The following FAT4 variants were observed in gnomAD, a reference collection of about 807,000 sequenced individuals.
FAT4 encodes the protein FAT atypical cadherin 4.
FAT4 carries 84 observed loss-of-function variants against 303.9 expected under a neutral mutation model. The observed-to-expected ratio is 0.28, with a 90% CI of 0.23 to 0.33. FAT4 has a LOEUF of 0.33. FAT4 is among the 10% of genes least tolerant of loss of function. FAT4 has a pLI of 1.00. For missense variants in FAT4, 6,005 were observed against 6,146.8 expected (o/e 0.98, Z 0.77); for synonymous variants, 2,307 against 2,298.8 (o/e 1.00, Z -0.10).
intron 2 of FAT4, among the ~76,000 whole-genome samples, chr4:125,341,180 G>GA (rs536117683): frequency 2.0e-5 from 3 of 151,802 alleles, no homozygotes; most frequent in South Asian, 4.2e-4. Context: ...AGATATGCAA[G>GA]AAAAAAAATG....
In FAT4 at chr4:125,416,532, C is replaced by T. The variant is rs1415595327; in HGVS notation, c.6928C>T (p.Leu2310Phe). The change falls in exon 7 of 18, where the codon CTC becomes TTC. Residue 2310 changes from leucine to phenylalanine, a missense_variant. Leu to Phe is a conservative substitution (Grantham distance 22). Transcript: ENST00000394329. ...FGGNEDNAFT[L>F]SASGELGVTQ... Reference sequence around the variant, plus strand: ...TGGTAATGAAGACAATGCTTTTACTCTCTCAGCCAGTGGAGAACTTGGAGT... The same window carrying T: ...TGGTAATGAAGACAATGCTTTTACTTTCTCAGCCAGTGGAGAACTTGGAGT... 3.1e-6 allele frequency: 5 copies of T among 1,613,904 alleles called. No homozygotes were observed. The highest frequency in any genetic ancestry group is 1.7e-6 in the Non-Finnish European group (2 of 1,179,932).
At chr4:125,463,446 TA>T (rs1726549809) in intron 10 of FAT4, 116 bp from the exon 11 acceptor site, 2 of 500,178 alleles carry the variant, frequency 4.0e-6, no homozygotes, top group Non-Finnish European at 6.9e-6. Flanking sequence ...AAAACGTTTT[TA>T]TATTTCTTTT....
At chr4:125,366,605 G>A (rs942069393) in intron 2 of FAT4, among the ~76,000 whole-genome samples, 7 of 152,110 alleles carry the variant, frequency 4.6e-5, no homozygotes, top group Admixed American at 4.6e-4. Context: ...TATTCCTTTG[G>A]GTATATACCC....
rs141290022 is a variant in FAT4, at chr4:125,479,003, T to C, written c.12480-738T>C. On this transcript the variant is annotated intron_variant, in intron 14 of 17. Coordinates refer to ENST00000394329, the MANE Select transcript of FAT4 (RefSeq NM_001291303.3). The stretch of plus-strand genomic sequence containing the variant: ...ACATATCTAACTATTCTTCTTCTTG[T>C]GCCCTGAGCTCCAACCATGTTGGGC... Among the ~76,000 whole-genome samples, 126 of 152,230 alleles carry C rather than the reference T, an allele frequency of 8.3e-4. 1 individual carries two copies. In the East Asian group the frequency reaches 0.02, roughly 24 times the overall value.
intron 2 of FAT4, among the ~76,000 whole-genome samples, chr4:125,360,297 A>G (rs1300228705): frequency 6.6e-6 from 1 of 152,088 alleles, no homozygotes; most frequent in Admixed American, 6.6e-5. Flanking sequence ...CACTTTCCCA[A>G]TTTACTGACT....
In FAT4 at chr4:125,331,859, C is replaced by T. The variant is rs992997900; in HGVS notation, c.5175+10273C>T. Among the ~76,000 whole-genome samples the T allele has an allele frequency of 2.2e-3, 329 of 152,130 alleles. 9 individuals carry two copies. The highest frequency in any genetic ancestry group is 3.4e-4 in the Non-Finnish European group (23 of 67,990). On this transcript the variant is annotated intron_variant, in intron 2 of 17. Transcript: ENST00000394329. ...CAGTAAACTTGATTTTAACACGCAG[C>T]AAAGAAAATACTGCTGGACAATCCC... is the stretch of plus-strand genomic sequence containing the variant.
At chr4:125,392,959 C>T (rs1245691417) in intron 2 of FAT4, among the ~76,000 whole-genome samples, 1 of 152,076 alleles carries the variant, frequency 6.6e-6, no homozygotes, top group Non-Finnish European at 1.5e-5. Flanking sequence ...AATCACTTGA[C>T]ATTTCAGTGC....
At chr4:125,418,781 T>C (rs1420430694) in intron 7 of FAT4, among the ~76,000 whole-genome samples, 1 of 152,190 alleles carries the variant, frequency 6.6e-6, no homozygotes, top group Non-Finnish European at 1.5e-5. Flanking sequence ...CAGGTACTAC[T>C]ACATGGTTTA....
intron 14 of FAT4, among the ~76,000 whole-genome samples, chr4:125,477,548 T>C (rs201266452): frequency 4.0e-4 from 4 of 9,994 alleles, no homozygotes; most frequent in African/African-American, 6.4e-4. Context: ...CTTATACATA[T>C]ATATATATAT....
chr4:125,416,278 C>T (rs747731728), intron 6 of FAT4, among the ~76,000 whole-genome samples, 170 bp from the exon 7 acceptor site: 2 of 152,034 alleles, frequency 1.3e-5, no homozygotes, highest in East Asian at 1.9e-4. Context: ...CAAATAGACT[C>T]GGGTGATATA....
intron 2 of FAT4, among the ~76,000 whole-genome samples, chr4:125,343,920 G>GA (rs1220115396): frequency 6.6e-6 from 1 of 152,150 alleles, no homozygotes; most frequent in Non-Finnish European, 1.5e-5. Flanking sequence ...GAACAGTAAT[G>GA]AATTGGTCTC....
In FAT4 at chr4:125,415,814, T is replaced by G. The variant is rs2126028200; in HGVS notation, c.6843+8T>G. ...CCCAGAACAATTCTTCAGGTCAGTATATTTAAATAAAGCAAGTATTGTCTT... is the reference window on the plus strand; with the variant it reads ...CCCAGAACAATTCTTCAGGTCAGTAGATTTAAATAAAGCAAGTATTGTCTT... On this transcript the variant is annotated splice_region_variant and intron_variant, in intron 6 of 17. Coordinates refer to ENST00000394329, the MANE Select transcript of FAT4 (RefSeq NM_001291303.3). 2.5e-6 allele frequency: 4 copies of G among 1,580,156 alleles called. No individual in the cohort carries two copies. The highest frequency in any genetic ancestry group is 3.4e-6 in the Non-Finnish European group (4 of 1,159,936).
chr4:125,325,754 A>T (rs1287621506), intron 2 of FAT4, among the ~76,000 whole-genome samples: 5 of 152,192 alleles, frequency 3.3e-5, no homozygotes, highest in Non-Finnish European at 5.9e-5. Context: ...TTTAAATGAA[A>T]TAGTTTTGTT....
intron 2 of FAT4, among the ~76,000 whole-genome samples, chr4:125,355,154 C>T (rs1355625811): frequency 1.3e-5 from 2 of 151,822 alleles, no homozygotes; most frequent in Non-Finnish European, 1.5e-5. Context: ...GAGGTATTGA[C>T]ACCGGATAGA....
chr4:125,337,722 T>C (rs1298646299), intron 2 of FAT4, among the ~76,000 whole-genome samples: 1 of 152,086 alleles, frequency 6.6e-6, no homozygotes, highest in Non-Finnish European at 1.5e-5. Flanking sequence ...TATAAAATTT[T>C]CCTTACAAGA....
intron 2 of FAT4, among the ~76,000 whole-genome samples, chr4:125,342,252 T>C (rs1353955425): frequency 6.6e-6 from 1 of 152,024 alleles, no homozygotes; most frequent in East Asian, 1.9e-4. Flanking sequence ...GCACGGTGAT[T>C]GGTGTTGATA....
intron 3 of FAT4, among the ~76,000 whole-genome samples, chr4:125,403,198 A>G (rs973691734): frequency 6.6e-6 from 1 of 152,038 alleles, no homozygotes; most frequent in African/African-American, 2.4e-5. Context: ...CACTAAATTA[A>G]CCTCCAAAAC....
intron 9 of FAT4, among the ~76,000 whole-genome samples, chr4:125,448,165 A>T (rs554410539): frequency 6.6e-6 from 1 of 152,204 alleles, no homozygotes; most frequent in South Asian, 2.1e-4. Context: ...ATGATTTTTG[A>T]ACGATTAGCA....
intron 8 of FAT4, among the ~76,000 whole-genome samples, chr4:125,437,718 A>C (rs1172441020): frequency 6.6e-6 from 1 of 152,184 alleles, no homozygotes; most frequent in Non-Finnish European, 1.5e-5. Flanking sequence ...AAATCATATC[A>C]TAAGATTCAA....
Sources: gnomAD v4.1 joint callset for allele counts (sites outside exome capture counted in the v4.1 genomes callset) on GRCh38, gnomAD v4.1.1 for gene constraint, MANE v1.5 for transcripts, NCBI Gene and HGNC (gene_info 2026-07-23, HGNC 2026-07-21) for gene names.